The following PCSK5 variants were observed in gnomAD, a reference collection of about 807,000 sequenced individuals.
PCSK5 encodes the protein prohormone convertase 5.
PCSK5 carries 129 observed loss-of-function variants against 233.2 expected under a neutral mutation model. That is an observed-to-expected ratio of 0.55 (90% CI 0.48 to 0.64). The LOEUF is 0.64. Among genes scored for constraint, PCSK5 ranks in the 30% least tolerant of loss-of-function variants. The pLI is 0.00. For missense variants in PCSK5, 2,076 were observed against 2,430.1 expected, an observed-to-expected ratio of 0.85 and a Z score of 3.06; for synonymous variants, 825 against 879.2, an observed-to-expected ratio of 0.94 and a Z score of 1.09.
chr9:76,233,328 C>A, intron 21 of PCSK5, 132 bp from the exon 22 acceptor site: 1 of 848,886 alleles, frequency 1.2e-6, no homozygotes, highest in South Asian at 1.7e-5. Flanking sequence ...ATGATCACTC[C>A]CAGGCATCCC....
intron 3 of PCSK5, among the ~76,000 whole-genome samples, chr9:76,014,567 G>A (rs748828757): frequency 2.0e-5 from 3 of 152,146 alleles, no homozygotes; most frequent in Non-Finnish European, 4.4e-5. Flanking sequence ...ATTTGCTTCT[G>A]TCATGCCTTG....
intron 2 of PCSK5, among the ~76,000 whole-genome samples, chr9:75,950,131 T>TTG (rs202103747): frequency 1.1e-4 from 7 of 61,570 alleles, no homozygotes; most frequent in South Asian, 6.2e-4. Flanking sequence ...TGGGACACAC[T>TTG]TGTGTGTGTG....
intron 3 of PCSK5, among the ~76,000 whole-genome samples, chr9:76,019,252 T>TATCA (rs1828078832): frequency 1.8e-5 from 2 of 112,404 alleles, no homozygotes; most frequent in African/African-American, 7.8e-5. Context: ...ACTTAAGGAA[T>TATCA]ATCAATTCTT....
At position 76,244,353 on chromosome 9, in the gene PCSK5, G is replaced by A. The variant is rs1416152361; in HGVS notation, c.3142+3669G>A. On this transcript the variant is annotated intron_variant, in intron 24 of 37. Coordinates refer to ENST00000674117, the MANE Select transcript of PCSK5 (RefSeq NM_001372043.1). ...AGATAAATACAAACTTGAAAAATTT[G>A]AATAATTTACTATAGATTTCCCCAA... 7.2e-5 allele frequency among the ~76,000 whole-genome samples: 11 copies of A among 152,232 alleles called. No individual in the cohort carries two copies. The South Asian group carries it at 1.9e-3, about 26-fold the overall frequency.
chr9:76,092,207 GA>G (rs1332438113), intron 7 of PCSK5, among the ~76,000 whole-genome samples: 4 of 152,134 alleles, frequency 2.6e-5, no homozygotes, highest in South Asian at 4.1e-4. Context: ...GCCAAGTCTG[GA>G]AAGGACTTTA....
intron 2 of PCSK5, among the ~76,000 whole-genome samples, chr9:75,937,803 A>G (rs1824125175): frequency 6.6e-6 from 1 of 152,168 alleles, no homozygotes; most frequent in Admixed American, 6.5e-5. Flanking sequence ...CTTTTATGTT[A>G]CAGAGACAGC....
rs116714800 is a variant in PCSK5 at position 76,075,523 on chromosome 9, T to C, written c.894+3625T>C. On this transcript the variant is annotated intron_variant, in intron 7 of 37. Coordinates refer to ENST00000674117, the MANE Select transcript of PCSK5 (RefSeq NM_001372043.1). ...CTCTTTTCCAGGTTAAATAAATCTT[T>C]CTTGGGGCATCAAGTGAGACAGGAA... 3.0e-3 allele frequency among the ~76,000 whole-genome samples: 456 copies of C among 152,244 alleles called. 2 individuals are homozygous for C. The highest frequency in any genetic ancestry group is 0.01 in the African/African-American group (429 of 41,566).
At chr9:76,010,133 G>A (rs927371195) in intron 3 of PCSK5, among the ~76,000 whole-genome samples, 3 of 152,204 alleles carry the variant, frequency 2.0e-5, no homozygotes, top group Non-Finnish European at 2.9e-5. Flanking sequence ...ACAAGGAGCT[G>A]TGGCAGTTAT....
At chr9:76,187,592 G>C (rs1320392397) in intron 17 of PCSK5, among the ~76,000 whole-genome samples, 1 of 151,962 alleles carries the variant, frequency 6.6e-6, no homozygotes. Flanking sequence ...CAAACTCCTG[G>C]CTTCGAGTGA....
chr9:76,251,541 G>A (rs567971079), intron 24 of PCSK5, among the ~76,000 whole-genome samples: 7 of 146,026 alleles, frequency 4.8e-5, no homozygotes, highest in East Asian at 2.1e-4. Context: ...TCCAGCCTGG[G>A]TGACAGAGCG....
chr9:75,930,037 A>G (rs1823709305), intron 1 of PCSK5, among the ~76,000 whole-genome samples: 1 of 151,872 alleles, frequency 6.6e-6, no homozygotes, highest in Admixed American at 6.6e-5. Context: ...TGATTTTTGT[A>G]TTTTTAGTAG....
intron 28 of PCSK5, among the ~76,000 whole-genome samples, chr9:76,304,084 A>G (rs908629050): frequency 7.9e-5 from 12 of 152,154 alleles, no homozygotes; most frequent in African/African-American, 2.9e-4. Flanking sequence ...AGACCAGAGA[A>G]TCGCTTGAAC....
intron 7 of PCSK5, among the ~76,000 whole-genome samples, chr9:76,075,630 AACTT>A (rs1830619198): frequency 6.6e-6 from 1 of 152,206 alleles, no homozygotes; most frequent in Admixed American, 6.5e-5. Flanking sequence ...ATTGAATAAA[AACTT>A]AATACAATAT....
chr9:76,241,851 A>C, intron 24 of PCSK5, among the ~76,000 whole-genome samples: 1 of 152,164 alleles, frequency 6.6e-6, no homozygotes, highest in East Asian at 1.9e-4. Flanking sequence ...GGATTGGTTG[A>C]CTAATCAACC....
intron 35 of PCSK5, among the ~76,000 whole-genome samples, chr9:76,348,505 C>G (rs1415902827): frequency 6.6e-6 from 1 of 151,734 alleles, no homozygotes; most frequent in African/African-American, 2.4e-5. Flanking sequence ...TCACCTGAGC[C>G]CAGGAGGTCG....
intron 20 of PCSK5, among the ~76,000 whole-genome samples, chr9:76,202,337 C>G (rs994140250): frequency 6.6e-6 from 1 of 152,158 alleles, no homozygotes; most frequent in African/African-American, 2.4e-5. Context: ...CTGAACACAC[C>G]CCATCTGTCC....
chr9:76,103,230 T>A (rs1252351564), intron 8 of PCSK5, among the ~76,000 whole-genome samples: 1 of 152,220 alleles, frequency 6.6e-6, no homozygotes, highest in Non-Finnish European at 1.5e-5. Context: ...CATAGCTGTG[T>A]CTGAAACAGC....
At chr9:76,200,935 C>T (rs1824888823) in intron 20 of PCSK5, among the ~76,000 whole-genome samples, 1 of 152,244 alleles carries the variant, frequency 6.6e-6, no homozygotes, top group Admixed American at 6.5e-5. Flanking sequence ...ATCAAGTCAA[C>T]TCTTGGCCTC....
intron 8 of PCSK5, among the ~76,000 whole-genome samples, chr9:76,102,259 G>A (rs1297895706): frequency 6.6e-6 from 1 of 151,994 alleles, no homozygotes; most frequent in Non-Finnish European, 1.5e-5. Flanking sequence ...GTTTGTCCTT[G>A]GGCAAGTTAC....
Sources: allele counts gnomAD v4.1 joint callset (sites outside exome capture counted in the v4.1 genomes callset), GRCh38; gene constraint gnomAD v4.1.1; transcripts MANE v1.5; gene names NCBI Gene and HGNC (gene_info 2026-07-23, HGNC 2026-07-21).